STAC: variants seen among roughly 807,000 people sequenced by gnomAD.
STAC encodes the protein SH3 and cysteine-rich domain-containing protein.
STAC carries 43 observed loss-of-function variants against 48.8 expected under a neutral mutation model. The observed-to-expected ratio is 0.88, with a 90% CI of 0.69 to 1.14. The LOEUF (loss-of-function observed/expected upper bound fraction) is 1.14. STAC is among the 50% of genes most tolerant of loss of function. The pLI is 0.00. For missense variants in STAC, 497 were observed against 504.0 expected (o/e 0.99, Z 0.13); for synonymous variants, 193 against 179.5 (o/e 1.07, Z -0.60).
In STAC at chr3:36,484,992, C is replaced by T. The variant is rs766859384; in HGVS notation, c.505C>T (p.Arg169Cys). The change falls in exon 4 of 11, where the codon CGT (arginine) becomes TGT (cysteine). Residue 169 changes from arginine (R) to cysteine (C), a missense_variant. By Grantham distance (180) the Arg-to-Cys change is radical (BLOSUM62 -3). Transcript: ENST00000273183. ...CTCTCTCCAGCCAAAGGGGTTTCGG[C>T]GTTACTACAGCTCCCCCTTGCTCAT... is the stretch of plus-strand genomic sequence containing the variant. ...CMGKLPKGFR[R>C]YYSSPLLIHE... 33 of 1,600,978 alleles carry T rather than the reference C, an allele frequency of 2.1e-5. No individual in the cohort carries two copies. The highest frequency in any genetic ancestry group is 6.8e-5 in the East Asian group (3 of 43,824).
chr3:36,460,353 T>G (rs1696974337), intron 2 of STAC, among the ~76,000 whole-genome samples: 1 of 152,144 alleles, frequency 6.6e-6, no homozygotes, highest in Admixed American at 6.5e-5. Context: ...CCAGTTAAAT[T>G]TGAAATTCAG....
chr3:36,495,500 C>A (rs1294033695), intron 6 of STAC, among the ~76,000 whole-genome samples: 2 of 152,234 alleles, frequency 1.3e-5, no homozygotes, highest in Non-Finnish European at 2.9e-5. Context: ...CTGACTCCCT[C>A]TTCCTCTCAC....
intron 2 of STAC, among the ~76,000 whole-genome samples, chr3:36,462,342 G>A (rs183429781): frequency 2.6e-5 from 4 of 152,250 alleles, no homozygotes; most frequent in Non-Finnish European, 4.4e-5. Flanking sequence ...TTATTTGACA[G>A]CCAAGCCAAA....
In STAC at chr3:36,486,073, A is replaced by C. The variant is rs1215220768; in HGVS notation, c.572-61A>C. The C allele has an allele frequency of 7.9e-6, 10 of 1,260,888 alleles. No individual in the cohort carries two copies. The Admixed American group carries it at 1.8e-4, about 22-fold the overall frequency. The allele number at this position is 1,260,888 out of a possible 1,614,324, so 78.1% of individuals were successfully genotyped here. On this transcript the variant is annotated intron_variant, in intron 4 of 10. Coordinates refer to ENST00000273183, the MANE Select transcript of STAC (RefSeq NM_003149.3). ...GCGCTGTTCACCCAGGAGATGTGGTAGGCAGTTGGCTGGGTCCTCTCAGAT... is the reference window on the plus strand; with the variant it reads ...GCGCTGTTCACCCAGGAGATGTGGTCGGCAGTTGGCTGGGTCCTCTCAGAT...
chr3:36,518,836 C>T (rs760158887), intron 8 of STAC, among the ~76,000 whole-genome samples: 6 of 152,208 alleles, frequency 3.9e-5, no homozygotes, highest in Admixed American at 6.5e-5. Context: ...CACCTCTCAT[C>T]GCATGATAGC....
Position 36,543,999 on chromosome 3 carries a change from T to C in STAC, c.1111-2192T>C, listed in dbSNP as rs545946049. ...CAAAGGGCGGGTGTTTATATTTTTA[T>C]TGATGCTGACTGGTAGGACTCATAT... On this transcript the variant is annotated intron_variant, in intron 10 of 10. Transcript: ENST00000273183. Among the ~76,000 whole-genome samples, 7 of 152,326 alleles carry C rather than the reference T, an allele frequency of 4.6e-5. No individual in the cohort carries two copies. The East Asian group carries it at 7.7e-4, about 17-fold the overall frequency.
rs1033653103 is a variant in STAC, at chr3:36,386,474, C to T, written c.111+5720C>T. Among the ~76,000 whole-genome samples the T allele has an allele frequency of 2.1e-5, 3 of 143,474 alleles. No individual in the cohort carries two copies. In the Admixed American group the frequency reaches 2.1e-4, roughly 10 times the overall value. 94.1% of individuals were successfully genotyped at this position (143,474 alleles called of 152,430 possible). A position where few individuals can be genotyped will look rare whatever the true frequency, so the allele number is the denominator to read the frequency against. ...CTAATTTAATGTAGTCTAATTCTTA[C>T]ATTTTTCTCTTCTATGGTTGTGCTT... On this transcript the variant is annotated intron_variant, in intron 1 of 10. Coordinates refer to ENST00000273183, the MANE Select transcript of STAC (RefSeq NM_003149.3).
intron 6 of STAC, 108 bp from the exon 7 acceptor site, chr3:36,504,285 G>C (rs1428953512): frequency 3.9e-6 from 4 of 1,035,760 alleles, no homozygotes; most frequent in Non-Finnish European, 5.8e-6. Flanking sequence ...GCAATAAGTA[G>C]TAAAGTAGAA....
intron 10 of STAC, among the ~76,000 whole-genome samples, chr3:36,538,068 T>A (rs1699240568): frequency 6.6e-6 from 1 of 152,108 alleles, no homozygotes; most frequent in African/African-American, 2.4e-5. Flanking sequence ...CCATAAGCAA[T>A]TCAACCATTA....
In STAC at chr3:36,487,632, A is replaced by G. The variant is rs556967264; in HGVS notation, c.687+1383A>G. Among the ~76,000 whole-genome samples the G allele has an allele frequency of 8.5e-5, 13 of 152,300 alleles. No homozygotes were observed. In the South Asian group the frequency reaches 2.3e-3, roughly 27 times the overall value. The stretch of plus-strand genomic sequence containing the variant: ...AAACCAATAGCGAAGAAATTTGACA[A>G]TGGTGGCATTGTTTACCATTTTTAA... On this transcript the variant is annotated intron_variant, in intron 5 of 10. Coordinates refer to ENST00000273183, the MANE Select transcript of STAC (RefSeq NM_003149.3).
chr3:36,438,772 C>T (rs1333901902), intron 1 of STAC, among the ~76,000 whole-genome samples: 2 of 152,008 alleles, frequency 1.3e-5, no homozygotes, highest in Admixed American at 6.6e-5. Flanking sequence ...CCACATATGA[C>T]GAAGGGTTTG....
intron 1 of STAC, among the ~76,000 whole-genome samples, chr3:36,387,396 G>A (rs1699640989): frequency 6.6e-6 from 1 of 151,962 alleles, no homozygotes; most frequent in Non-Finnish European, 1.5e-5. Context: ...CATTCACACT[G>A]TTGTGCAGCC....
intron 8 of STAC, chr3:36,506,335 T>C (rs1307717750): frequency 1.3e-5 from 2 of 152,252 alleles, no homozygotes; most frequent in African/African-American, 4.8e-5. Flanking sequence ...ACTGTAACCT[T>C]GTAGTATAGT....
intron 10 of STAC, among the ~76,000 whole-genome samples, chr3:36,542,296 C>G (rs1182820097): frequency 6.6e-6 from 1 of 152,162 alleles, no homozygotes; most frequent in Non-Finnish European, 1.5e-5. Context: ...TCCCATTCTC[C>G]TTGTCGGTGA....
chr3:36,418,239 G>T (rs1700363707), intron 1 of STAC, among the ~76,000 whole-genome samples: 1 of 151,462 alleles, frequency 6.6e-6, no homozygotes, highest in South Asian at 2.1e-4. Flanking sequence ...TATTTCCTTT[G>T]TAACAATGAA....
chr3:36,524,263 G>A (rs1698874342), intron 8 of STAC, among the ~76,000 whole-genome samples: 1 of 152,050 alleles, frequency 6.6e-6, no homozygotes, highest in Non-Finnish European at 1.5e-5. Flanking sequence ...CCTCCAGCTA[G>A]AGCCTCAAAA....
chr3:36,503,587 C>T (rs1698329047), intron 6 of STAC, among the ~76,000 whole-genome samples: 1 of 152,118 alleles, frequency 6.6e-6, no homozygotes, highest in Non-Finnish European at 1.5e-5. Context: ...GCACATGCCA[C>T]CATGCTCAGC....
chr3:36,390,118 T>C (rs1387624034), intron 1 of STAC, among the ~76,000 whole-genome samples: 1 of 152,170 alleles, frequency 6.6e-6, no homozygotes, highest in East Asian at 1.9e-4. Flanking sequence ...TATTGTACAG[T>C]ATTGGTGCTG....
At chr3:36,521,517 C>G (rs1698805085) in intron 8 of STAC, among the ~76,000 whole-genome samples, 1 of 152,200 alleles carries the variant, frequency 6.6e-6, no homozygotes, top group Non-Finnish European at 1.5e-5. Flanking sequence ...CCCTGATACA[C>G]CTTTGTGGTC....
Sources: allele counts gnomAD v4.1 joint callset (sites outside exome capture counted in the v4.1 genomes callset), GRCh38; gene constraint gnomAD v4.1.1; transcripts MANE v1.5; gene names NCBI Gene and HGNC (gene_info 2026-07-23, HGNC 2026-07-21).